Variants in ANKFN1 observed in about 807,000 individuals in gnomAD.
ANKFN1 encodes ankyrin repeat and fibronectin type III domain containing 1.
Under a neutral mutation model 108.7 loss-of-function variants are expected in ANKFN1, and 74 were observed. The ratio of observed to expected loss-of-function variants is 0.68; its 90% CI spans 0.56 to 0.83. The LOEUF (loss-of-function observed/expected upper bound fraction) is 0.83, where lower values mean the gene tolerates loss of function less well. ANKFN1 is among the 40% of genes least tolerant of loss of function. The pLI, the probability that ANKFN1 is intolerant of heterozygous loss-of-function variation, is 0.00. For missense variants in ANKFN1, 1,505 were observed against 1,382.3 expected (o/e 1.09, Z -1.41); for synonymous variants, 547 against 516.2 (o/e 1.06, Z -0.81).
chr17:56,133,677 C>T (rs547574768), intron 4 of ANKFN1, among the ~76,000 whole-genome samples: 2 of 152,066 alleles, frequency 1.3e-5, no homozygotes, highest in South Asian at 4.2e-4. Flanking sequence ...TCTGTACCCA[C>T]GAATGTCATT....
In ANKFN1 at chr17:56,312,445, C is replaced by G. The variant is rs116302676; in HGVS notation, c.54-13776C>G. 5.4e-3 allele frequency among the ~76,000 whole-genome samples: 823 copies of G among 152,230 alleles called. 8 individuals are homozygous for G. Among genetic ancestry groups the G allele is most frequent in the African/African-American group, 0.019 (776 of 41,520 alleles). On this transcript the variant is annotated intron_variant, in intron 3 of 20. Transcript: ENST00000682825. ...TGCTGATCTTACTCTGACCCATTCT[C>G]CCAGTACCTCCTTTCACACTCCTTT...
At chr17:56,382,526 C>T (rs1251091091) in intron 8 of ANKFN1, among the ~76,000 whole-genome samples, 1 of 152,188 alleles carries the variant, frequency 6.6e-6, no homozygotes, top group African/African-American at 2.4e-5. Flanking sequence ...TTAAAAGACA[C>T]AGACTGGCAA....
chr17:56,168,256 C>CA (rs763624819), intron 1 of ANKFN1, among the ~76,000 whole-genome samples: 2,404 of 60,126 alleles, frequency 0.04, 44 homozygotes, highest in African/African-American at 0.068. Context: ...GACTCTGTCA[C>CA]AAAAAAAAAA....
Position 56,370,579 on chromosome 17 carries a change from C to T in ANKFN1, c.602-2067C>T, listed in dbSNP as rs111582869. Among the ~76,000 whole-genome samples, 828 of 152,226 alleles carry T rather than the reference C, an allele frequency of 5.4e-3. 5 individuals are homozygous for T. The highest frequency in any genetic ancestry group is 0.019 in the African/African-American group (779 of 41,534). ...GGATAACTTAACAAGGACAATTCCC[C>T]CATTTTCTCTATAATTTGGAGTGGA... On this transcript the variant is annotated intron_variant, in intron 6 of 20. Coordinates refer to ENST00000682825, the MANE Select transcript of ANKFN1 (RefSeq NM_001370326.1).
intron 8 of ANKFN1, among the ~76,000 whole-genome samples, chr17:56,433,639 A>G (rs2048834215): frequency 6.6e-6 from 1 of 152,126 alleles, no homozygotes; most frequent in Non-Finnish European, 1.5e-5. Context: ...GAGGATACAA[A>G]GGCATAAGAA....
At chr17:56,402,240 A>G (rs1055077162) in intron 8 of ANKFN1, among the ~76,000 whole-genome samples, 3 of 151,982 alleles carry the variant, frequency 2.0e-5, no homozygotes, top group African/African-American at 7.2e-5. Flanking sequence ...TTCTTTCTCT[A>G]TCTTATGGAA....
intron 1 of ANKFN1, among the ~76,000 whole-genome samples, chr17:56,169,183 G>A (rs1425882967): frequency 6.6e-6 from 1 of 152,192 alleles, no homozygotes; most frequent in East Asian, 1.9e-4. Flanking sequence ...GAGGCGCAGA[G>A]GAAGTGTGCA....
chr17:56,227,320 A>G, intron 2 of ANKFN1, among the ~76,000 whole-genome samples: 1 of 152,132 alleles, frequency 6.6e-6, no homozygotes, highest in East Asian at 1.9e-4. Flanking sequence ...GGCACAGTCT[A>G]ATTGTCCCTC....
Position 56,050,627 on chromosome 17 carries a change from C to T in ANKFN1, c.288+4302C>T, listed in dbSNP as rs1353949309. Among the ~76,000 whole-genome samples the T allele has an allele frequency of 2.6e-5, 4 of 151,204 alleles. No individual in the cohort carries two copies. The East Asian group carries it at 7.8e-4, about 29-fold the overall frequency. ...CCTACGTATGGCTAGCCAGTTTTCC[C>T]AGCACCATTTATTAAATAGGGAATC... On this transcript the variant is annotated intron_variant, in intron 4 of 12. Transcript: ENST00000635860.
chr17:56,148,708 T>G (rs1355399699), upstream of ANKFN1, among the ~76,000 whole-genome samples: 1 of 152,242 alleles, frequency 6.6e-6, no homozygotes, highest in Non-Finnish European at 1.5e-5. Context: ...TCTTAAAAGT[T>G]TTCTTTTGCC....
intron 11 of ANKFN1, among the ~76,000 whole-genome samples, chr17:56,453,256 C>T (rs2049556007): frequency 6.6e-6 from 1 of 151,926 alleles, no homozygotes; most frequent in Non-Finnish European, 1.5e-5. Context: ...TTCTCAATCT[C>T]TTAATATATG....
intron 15 of ANKFN1, among the ~76,000 whole-genome samples, chr17:56,469,076 T>G (rs2050226427): frequency 6.6e-6 from 1 of 152,108 alleles, no homozygotes; most frequent in Non-Finnish European, 1.5e-5. Flanking sequence ...TAAAAATGTG[T>G]TACAGGTGCA....
intron 8 of ANKFN1, among the ~76,000 whole-genome samples, chr17:56,386,648 T>C (rs1446550656): frequency 6.6e-6 from 1 of 151,506 alleles, no homozygotes; most frequent in East Asian, 1.9e-4. Flanking sequence ...AATTTTTTTT[T>C]CTTTTTCTGG....
chr17:56,450,216 C>T (rs1211377653), intron 11 of ANKFN1, among the ~76,000 whole-genome samples: 2 of 151,940 alleles, frequency 1.3e-5, no homozygotes, highest in African/African-American at 2.4e-5. Context: ...CACTGTGCTC[C>T]AACCTGGGCA....
intron 6 of ANKFN1, among the ~76,000 whole-genome samples, chr17:56,355,348 T>C (rs1156375113): frequency 6.6e-6 from 1 of 152,066 alleles, no homozygotes; most frequent in Non-Finnish European, 1.5e-5. Flanking sequence ...TGAGAAGATG[T>C]GGGGGTCAAA....
chr17:56,142,894 A>G (rs1908010897), intron 4 of ANKFN1, among the ~76,000 whole-genome samples: 2 of 152,162 alleles, frequency 1.3e-5, no homozygotes, highest in South Asian at 4.1e-4. Context: ...CCATTCACAC[A>G]AATACTCTAT....
At position 56,372,873 on chromosome 17, in the gene ANKFN1, T is replaced by C. The variant is rs372385838; in HGVS notation, c.796+33T>C. 7.0e-6 allele frequency: 11 copies of C among 1,582,172 alleles called. No homozygotes were observed. In the African/African-American group the frequency reaches 8.2e-5, roughly 12 times the overall value. ...TAAGCAGAAAATGTCTACATTTCACTAGACTGAGCCTCAGTTTGAGACAGC... is the reference window on the plus strand; with the variant it reads ...TAAGCAGAAAATGTCTACATTTCACCAGACTGAGCCTCAGTTTGAGACAGC... On this transcript the variant is annotated intron_variant, in intron 7 of 20. Transcript: ENST00000682825.
chr17:56,291,243 T>A (rs1001185344), intron 3 of ANKFN1, among the ~76,000 whole-genome samples: 4 of 152,178 alleles, frequency 2.6e-5, no homozygotes, highest in African/African-American at 9.6e-5. Flanking sequence ...CTTCAGAATC[T>A]TTTTTATATC....
At chr17:56,184,305 A>G (rs746511138) in intron 1 of ANKFN1, among the ~76,000 whole-genome samples, 6 of 152,224 alleles carry the variant, frequency 3.9e-5, no homozygotes, top group Non-Finnish European at 4.4e-5. Flanking sequence ...AGCCAGCAAC[A>G]TAGAGGCAAG....
Sources: gnomAD v4.1 joint callset for allele counts (sites outside exome capture counted in the v4.1 genomes callset) on GRCh38, gnomAD v4.1.1 for gene constraint, MANE v1.5 for transcripts, NCBI Gene and HGNC (gene_info 2026-07-23, HGNC 2026-07-21) for gene names.